Variants in DPH6 observed in about 807,000 individuals in gnomAD.
DPH6 encodes diphthine--ammonia ligase.
DPH6 carries 33 observed loss-of-function variants against 38.2 expected under a neutral mutation model. That is an observed-to-expected ratio of 0.86 (90% CI 0.65 to 1.15). The LOEUF (loss-of-function observed/expected upper bound fraction) is 1.15. Among genes scored for constraint, DPH6 ranks in the 50% most tolerant of loss-of-function variants. DPH6 has a pLI of 0.00. For missense variants in DPH6, 325 were observed against 320.0 expected (o/e 1.02, Z -0.12); for synonymous variants, 108 against 103.0 (o/e 1.05, Z -0.30).
chr15:35,277,898 T>C (rs1269643538), intron 3 of DPH6, among the ~76,000 whole-genome samples: 2 of 152,190 alleles, frequency 1.3e-5, no homozygotes, highest in Non-Finnish European at 2.9e-5. Flanking sequence ...TCTAAGAGCC[T>C]ATCATCAGAT....
intron 3 of DPH6, among the ~76,000 whole-genome samples, chr15:35,480,098 A>C (rs1226093933): frequency 1.3e-5 from 2 of 152,076 alleles, no homozygotes; most frequent in South Asian, 2.1e-4. Context: ...TAACTGAAGT[A>C]AGTCAATATT....
At chr15:35,524,681 AT>A (rs1249090907) in intron 3 of DPH6, among the ~76,000 whole-genome samples, 1 of 152,128 alleles carries the variant, frequency 6.6e-6, no homozygotes, top group Non-Finnish European at 1.5e-5. Flanking sequence ...TAAGGATAAA[AT>A]TAGAATATAT....
intron 3 of DPH6, chr15:35,519,398 A>G (rs2054890349): frequency 6.6e-6 from 1 of 152,020 alleles, no homozygotes; most frequent in Non-Finnish European, 1.5e-5. Context: ...AAATACTCCT[A>G]TCAGAGTTCA....
chr15:35,410,157 G>T (rs2053346551), intron 6 of DPH6, among the ~76,000 whole-genome samples: 1 of 151,726 alleles, frequency 6.6e-6, no homozygotes, highest in African/African-American at 2.4e-5. Flanking sequence ...AAAAGAGATA[G>T]GTTCTTTCAT....
chr15:35,445,332 A>C (rs974179521), intron 5 of DPH6, among the ~76,000 whole-genome samples: 4 of 151,752 alleles, frequency 2.6e-5, no homozygotes, highest in African/African-American at 9.7e-5. Flanking sequence ...GGAGTGCAAA[A>C]GTCCTACTGT....
At chr15:35,178,324 T>G in the DPH6 span, among the ~76,000 whole-genome samples, 1 of 152,180 alleles carries the variant, frequency 6.6e-6, no homozygotes, top group Non-Finnish European at 1.5e-5. Context: ...CAGTTCCACA[T>G]AGCTGGGAAT....
intron 3 of DPH6, among the ~76,000 whole-genome samples, chr15:35,496,292 C>T (rs921206569): frequency 2.6e-5 from 4 of 151,960 alleles, no homozygotes; most frequent in African/African-American, 9.6e-5. Context: ...CAGTGACTAA[C>T]GCCTATAATC....
intron 5 of DPH6, among the ~76,000 whole-genome samples, chr15:35,433,608 A>G (rs983034498): frequency 3.9e-5 from 6 of 152,234 alleles, no homozygotes; most frequent in Non-Finnish European, 5.9e-5. Flanking sequence ...GCCATAGACA[A>G]TAATAAATAT....
At chr15:35,538,552 A>G (rs1225212420) in intron 2 of DPH6, 85 bp from the exon 3 acceptor site, 60 of 1,194,676 alleles carry the variant, frequency 5.0e-5, no homozygotes, top group Non-Finnish European at 6.6e-5. Context: ...TTACTGCTTG[A>G]ATAGTCGACA....
chr15:35,179,235 AATGTT>A, the DPH6 span, among the ~76,000 whole-genome samples: 1 of 151,574 alleles, frequency 6.6e-6, no homozygotes, highest in African/African-American at 2.4e-5. Flanking sequence ...AAAGAAAAAA[AATGTT>A]ATGTTAACAT....
At chr15:35,356,563 G>T (rs1038819963) in intron 3 of DPH6, among the ~76,000 whole-genome samples, 1 of 152,220 alleles carries the variant, frequency 6.6e-6, no homozygotes. Context: ...GACCCTGTTT[G>T]CCTGGGTATC....
At chr15:35,382,917 C>A (rs935181457) in intron 6 of DPH6, among the ~76,000 whole-genome samples, 6 of 151,570 alleles carry the variant, frequency 4.0e-5, no homozygotes, top group East Asian at 1.9e-4. Flanking sequence ...ATAAGCCATA[C>A]CATTTAAATA....
chr15:35,149,610 T>C, the DPH6 span, among the ~76,000 whole-genome samples: 1 of 152,216 alleles, frequency 6.6e-6, no homozygotes, highest in African/African-American at 2.4e-5. Context: ...CTGACTGCCA[T>C]GCACTCCTCA....
At chr15:35,513,102 T>A (rs1486258456) in intron 3 of DPH6, among the ~76,000 whole-genome samples, 2 of 152,072 alleles carry the variant, frequency 1.3e-5, no homozygotes, top group Non-Finnish European at 2.9e-5. Flanking sequence ...AAAAAAGCAA[T>A]GTACAAAGTA....
intron 5 of DPH6, among the ~76,000 whole-genome samples, chr15:35,412,550 T>G (rs2053380460): frequency 6.6e-6 from 1 of 151,758 alleles, no homozygotes; most frequent in Non-Finnish European, 1.5e-5. Flanking sequence ...GCAGTTTTAT[T>G]CATAATTGTC....
intron 3 of DPH6, among the ~76,000 whole-genome samples, chr15:35,243,912 A>T (rs1257904822): frequency 6.6e-6 from 1 of 152,224 alleles, no homozygotes; most frequent in Non-Finnish European, 1.5e-5. Flanking sequence ...AGCTACTTCA[A>T]GGCAGCAGCT....
chr15:35,529,829 T>C (rs2055060401), intron 3 of DPH6, among the ~76,000 whole-genome samples: 1 of 147,574 alleles, frequency 6.8e-6, no homozygotes, highest in Non-Finnish European at 1.5e-5. Flanking sequence ...TCAACTCCTC[T>C]TTATTCACTC....
intron 5 of DPH6, among the ~76,000 whole-genome samples, chr15:35,419,068 T>TACACACAC (rs145718698): frequency 0.14 from 20,990 of 144,886 alleles, 1,615 homozygotes; most frequent in African/African-American, 0.21. Context: ...CACACACACA[T>TACACACAC]ACACACACAC....
chr15:35,355,913 AG>A (rs1481849785), intron 3 of DPH6, among the ~76,000 whole-genome samples: 18 of 152,206 alleles, frequency 1.2e-4, no homozygotes, highest in African/African-American at 4.1e-4. Context: ...CGTCACTTTC[AG>A]GTACACCAAC....
Sources: allele counts gnomAD v4.1 joint callset (sites outside exome capture counted in the v4.1 genomes callset), GRCh38; gene constraint gnomAD v4.1.1; transcripts MANE v1.5; gene names NCBI Gene and HGNC (gene_info 2026-07-23, HGNC 2026-07-21).